STARD6: variants seen among roughly 807,000 people sequenced by gnomAD.
STARD6 encodes StAR related lipid transfer domain containing 6.
Under a neutral mutation model 22.3 loss-of-function variants are expected in STARD6, and 21 were observed. The ratio of observed to expected loss-of-function variants is 0.94; its 90% confidence interval spans 0.67 to 1.35. The LOEUF is 1.35. Ranked by LOEUF, STARD6 falls within the 40% of genes most tolerant of loss-of-function variation. The pLI, the probability that STARD6 is intolerant of heterozygous loss-of-function variation, is 0.00. For synonymous variants in STARD6, 80 were observed against 88.1 expected (o/e 0.91, Z 0.52); for missense variants, 269 against 266.9 (o/e 1.01, Z -0.05).
At chr18:54,346,128 C>A (rs368722562) in intron 4 of STARD6, among the ~76,000 whole-genome samples, 13 of 152,052 alleles carry the variant, frequency 8.5e-5, no homozygotes, top group African/African-American at 2.9e-4. Context: ...AGTGAGAAGA[C>A]AACCTACAGA....
chr18:54,337,134 C>A lies in STARD6; in HGVS notation c.258G>T (p.Arg86Ser). 6.2e-7 allele frequency: 1 copy of A among 1,609,796 alleles called. No individual in the cohort carries two copies. Among genetic ancestry groups the A allele is most frequent in the Non-Finnish European group, 8.5e-7 (1 of 1,178,270 alleles). The change falls in exon 5 of 8, where the codon AGG (arginine) becomes AGT (serine). Residue 86 changes from arginine to serine, a missense_variant. Arg to Ser is a moderately radical substitution (Grantham distance 110). Coordinates refer to ENST00000307844, the MANE Select transcript of STARD6 (RefSeq NM_139171.2). ...KSLQVYNMVHRIDSDTFICHT... is the reference protein window; with the variant it reads ...KSLQVYNMVHSIDSDTFICHT... ...TTAAACAACAAATTACCGAATCAATCCTGTGTACCATATTATACACTTGCA... is the reference window on the plus strand; with the variant it reads ...TTAAACAACAAATTACCGAATCAATACTGTGTACCATATTATACACTTGCA...
chr18:54,328,398 A>G (rs142309423), intron 7 of STARD6, among the ~76,000 whole-genome samples: 163 of 152,304 alleles, frequency 1.1e-3, no homozygotes, highest in Non-Finnish European at 1.8e-3. Flanking sequence ...ACCTTGCTGA[A>G]TTGGAGTAAT....
intron 6 of STARD6, among the ~76,000 whole-genome samples, chr18:54,330,072 T>G (rs1174739512): frequency 6.6e-6 from 1 of 151,974 alleles, no homozygotes; most frequent in East Asian, 1.9e-4. Flanking sequence ...ATTTCATTTA[T>G]GATAATATAT....
intron 4 of STARD6, among the ~76,000 whole-genome samples, chr18:54,351,384 T>C (rs2089094617): frequency 6.6e-6 from 1 of 152,158 alleles, no homozygotes; most frequent in Admixed American, 6.5e-5. Context: ...GTCATTAGGG[T>C]TTTATAGGTA....
At chr18:54,356,144 C>T (rs1372809424) in intron 2 of STARD6, among the ~76,000 whole-genome samples, 2 of 152,216 alleles carry the variant, frequency 1.3e-5, no homozygotes, top group East Asian at 3.8e-4. Flanking sequence ...AGATCTGCTT[C>T]CTTAAGCACT....
chr18:54,344,583 T>TAAAAAAAAAAAAAAAAAAAAAAAA (rs55736082), intron 4 of STARD6, among the ~76,000 whole-genome samples: 4 of 94,090 alleles, frequency 4.3e-5, no homozygotes, highest in East Asian at 2.6e-4. Flanking sequence ...AAAAATAAAT[T>TAAAAAAAAAAAAAAAAAAAAAAAA]AAAAAAAAAA....
At chr18:54,350,680 C>T (rs1568174191) in intron 4 of STARD6, among the ~76,000 whole-genome samples, 1 of 152,108 alleles carries the variant, frequency 6.6e-6, no homozygotes, top group Non-Finnish European at 1.5e-5. Context: ...GATGAAGATC[C>T]AGTTTCATTC....
rs766066846 is a variant in STARD6, at chr18:54,324,616, C to T, written c.*76G>A. The T allele has an allele frequency of 3.4e-5, 47 of 1,387,248 alleles. 1 individual carries two copies. The Middle Eastern group carries it at 7.9e-4, about 23-fold the overall frequency. 85.9% of individuals were successfully genotyped at this position (1,387,248 alleles called of 1,614,324 possible). A position where few individuals can be genotyped will look rare whatever the true frequency, so the allele number is the denominator to read the frequency against. On this transcript the variant is annotated 3_prime_UTR_variant, in exon 8 of 8. Transcript: ENST00000307844. ...ATAGTTTAACAGTATTATTTATGTG[C>T]GTTGACTTAGAAGTAAACAGCAATA...
At chr18:54,334,700 G>A (rs1037452131) in intron 5 of STARD6, among the ~76,000 whole-genome samples, 5 of 151,918 alleles carry the variant, frequency 3.3e-5, no homozygotes, top group African/African-American at 1.2e-4. Context: ...ACTCAGAGAG[G>A]CCTTTCCCAG....
chr18:54,357,702 G>A (rs1292561654), intron 1 of STARD6, 90 bp downstream of exon 1: 1 of 152,596 alleles, frequency 6.6e-6, no homozygotes, highest in Non-Finnish European at 1.5e-5. Flanking sequence ...GAATAGCTGT[G>A]ACGGAGGTTG....
intron 5 of STARD6, among the ~76,000 whole-genome samples, chr18:54,335,319 C>T (rs960025673): frequency 3.9e-5 from 6 of 151,946 alleles, no homozygotes; most frequent in Admixed American, 2.0e-4. Flanking sequence ...CTCAGCCTCC[C>T]GAGTAGCTGG....
intron 2 of STARD6, among the ~76,000 whole-genome samples, chr18:54,355,536 T>G (rs1787825): frequency 0.072 from 10,932 of 152,076 alleles, 479 homozygotes; most frequent in African/African-American, 0.11. Context: ...GGCCCCTTCT[T>G]CCATGTGAGG....
At chr18:54,326,924 G>A (rs2088829688) in intron 7 of STARD6, among the ~76,000 whole-genome samples, 1 of 152,114 alleles carries the variant, frequency 6.6e-6, no homozygotes, top group Admixed American at 6.5e-5. Context: ...TACACCCACA[G>A]TTAAATGAAA....
At chr18:54,354,392 A>C (rs1344887) in intron 3 of STARD6, 92 bp downstream of exon 3, 70,743 of 1,172,130 alleles carry the variant, frequency 0.06, 2,456 homozygotes, top group African/African-American at 0.11. Flanking sequence ...CTGCACCTGG[A>C]ACAGAAAATA....
Position 54,329,345 on chromosome 18 carries a change from A to G in STARD6, c.479+2T>C. 1.9e-6 allele frequency: 3 copies of G among 1,577,452 alleles called. No homozygotes were observed. The highest frequency in any genetic ancestry group is 2.6e-6 in the Non-Finnish European group (3 of 1,166,306). On this transcript the variant is annotated splice_donor_variant, in intron 7 of 7. Transcript: ENST00000307844. LOFTEE classifies it high-confidence loss of function. ...AAATAAATAAGTGCAAACAACACTT[A>G]CTCTTCCATTGGTGAACATACAAAG...
chr18:54,337,041 A>G, intron 5 of STARD6, 84 bp downstream of exon 5: 4 of 1,251,708 alleles, frequency 3.2e-6, no homozygotes, highest in Non-Finnish European at 4.4e-6. Flanking sequence ...CTGTGTCTAC[A>G]TAACATAGTT....
chr18:54,350,334 GT>G (rs1267766612), intron 4 of STARD6, among the ~76,000 whole-genome samples: 2 of 151,860 alleles, frequency 1.3e-5, no homozygotes, highest in Non-Finnish European at 2.9e-5. Flanking sequence ...GGGATTATTT[GT>G]TTTTTTCTTA....
At chr18:54,344,002 G>A (rs2089011458) in intron 4 of STARD6, among the ~76,000 whole-genome samples, 2 of 49,384 alleles carry the variant, frequency 4.0e-5, no homozygotes, top group South Asian at 8.5e-4. Context: ...GGTGAGGGGC[G>A]CCTCTGCCCG....
chr18:54,331,653 TA>T (rs1176421000), intron 6 of STARD6, 88 bp downstream of exon 6: 6 of 870,034 alleles, frequency 6.9e-6, no homozygotes, highest in African/African-American at 1.7e-5. Context: ...ATAATTAAAA[TA>T]TAATTTCTTT....
Sources: allele counts gnomAD v4.1 joint callset (sites outside exome capture counted in the v4.1 genomes callset), GRCh38; gene constraint gnomAD v4.1.1; transcripts MANE v1.5; gene names NCBI Gene and HGNC (gene_info 2026-07-23, HGNC 2026-07-21).